MYO16: variants seen among roughly 807,000 people sequenced by gnomAD.
MYO16 encodes the protein unconventional myosin-XVI.
A neutral mutation model predicts 205.3 loss-of-function variants in MYO16; 94 were observed. The observed-to-expected ratio is 0.46, with a 90% CI of 0.39 to 0.54. The LOEUF is 0.54. Ranked by LOEUF, MYO16 falls within the 20% of genes least tolerant of loss-of-function variation. The pLI is 0.00. For missense variants in MYO16, 2,315 were observed against 2,387.5 expected (o/e 0.97, Z 0.63); for synonymous variants, 988 against 954.0 (o/e 1.04, Z -0.66).
chr13:109,079,263 C>T (rs1888208606), intron 27 of MYO16, among the ~76,000 whole-genome samples: 1 of 152,120 alleles, frequency 6.6e-6, no homozygotes, highest in Non-Finnish European at 1.5e-5. Flanking sequence ...GCCATTGCCT[C>T]CTATTGATTG....
chr13:108,839,408 C>T (rs1877114341), intron 9 of MYO16, among the ~76,000 whole-genome samples: 1 of 152,050 alleles, frequency 6.6e-6, no homozygotes, highest in Admixed American at 6.5e-5. Flanking sequence ...TAAGCCTTTT[C>T]TTTTCATAGT....
At chr13:108,816,705 T>C (rs1409956985) in intron 7 of MYO16, among the ~76,000 whole-genome samples, 3 of 152,204 alleles carry the variant, frequency 2.0e-5, no homozygotes, top group Non-Finnish European at 4.4e-5. Context: ...TAAAAGGTGT[T>C]TGTTTTCTTT....
At chr13:109,164,566 C>G (rs1217628664) in intron 32 of MYO16, among the ~76,000 whole-genome samples, 1 of 152,138 alleles carries the variant, frequency 6.6e-6, no homozygotes, top group Non-Finnish European at 1.5e-5. Flanking sequence ...TAAATGTAAT[C>G]ATTCAGAAAA....
At chr13:108,578,084 T>G in the MYO16 span, among the ~76,000 whole-genome samples, 1 of 152,224 alleles carries the variant, frequency 6.6e-6, no homozygotes, top group East Asian at 1.9e-4. Context: ...TTACTTCTAT[T>G]TCTTTGTTTT....
intron 4 of MYO16, among the ~76,000 whole-genome samples, chr13:108,762,253 A>G (rs1885633859): frequency 6.6e-6 from 1 of 150,558 alleles, no homozygotes; most frequent in Admixed American, 6.7e-5. Flanking sequence ...AGGGGTGGAC[A>G]CTCAGGTTGA....
rs181555600 is a variant in MYO16, at chr13:108,869,505, A to C, written c.1425+3263A>C. ...TTTGGGAGGCCGAGGCGGGCGAATCACGAGGTCAGGAGATCGAGACCATCC... is the reference window on the plus strand; with the variant it reads ...TTTGGGAGGCCGAGGCGGGCGAATCCCGAGGTCAGGAGATCGAGACCATCC... On this transcript the variant is annotated intron_variant, in intron 12 of 34. Transcript: ENST00000457511. Among the ~76,000 whole-genome samples the C allele has an allele frequency of 3.5e-3, 536 of 151,572 alleles. 4 individuals carry two copies. Among genetic ancestry groups the C allele is most frequent in the African/African-American group, 0.012 (486 of 41,316 alleles).
At chr13:108,636,363 TTTTTTTTGTGTGTGTG>T (rs1880241848) in intron 1 of MYO16, among the ~76,000 whole-genome samples, 1 of 77,472 alleles carries the variant, frequency 1.3e-5, no homozygotes, top group Non-Finnish European at 2.6e-5. Context: ...TTTTTTTTTT[TTTTTTTTGTGTGTGTG>T]TGTGTGTGTG....
the MYO16 span, among the ~76,000 whole-genome samples, chr13:108,541,249 A>G: frequency 3.3e-5 from 5 of 151,936 alleles, no homozygotes; most frequent in Admixed American, 6.6e-5. Flanking sequence ...TTACAGACAT[A>G]TAACTTATAT....
rs190021981 is a variant in MYO16 at position 108,702,579 on chromosome 13, G to A, written c.293-10082G>A. On this transcript the variant is annotated intron_variant, in intron 2 of 34. Coordinates refer to ENST00000457511, the MANE Select transcript of MYO16 (RefSeq NM_001198950.3). ...TTTCAGGCTGAAATGAAAGACATTA[G>A]ACTTGAATTTGCATAAAAGATAAAC... Among the ~76,000 whole-genome samples the A allele has an allele frequency of 1.2e-4, 18 of 152,176 alleles. No individual in the cohort carries two copies. In the East Asian group the frequency reaches 3.5e-3, roughly 29 times the overall value.
At chr13:108,881,870 G>C (rs1050741643) in intron 12 of MYO16, among the ~76,000 whole-genome samples, 4 of 152,188 alleles carry the variant, frequency 2.6e-5, no homozygotes, top group African/African-American at 9.6e-5. Flanking sequence ...GGAAAACACT[G>C]TTCAGGATAT....
In MYO16 at chr13:109,162,203, A is replaced by C. The variant is rs1878421115; in HGVS notation, c.5165-2698A>C. Among the ~76,000 whole-genome samples the C allele has an allele frequency of 6.6e-6, 1 of 152,248 alleles. No individual in the cohort carries two copies. Among genetic ancestry groups the C allele is most frequent in the African/African-American group, 2.4e-5 (1 of 41,456 alleles). On this transcript the variant is annotated intron_variant, in intron 32 of 34. Coordinates refer to ENST00000457511, the MANE Select transcript of MYO16 (RefSeq NM_001198950.3). This position sits in a 1 kb window ranked among gnomAD's most constrained non-coding sequence, Gnocchi z 4.6. Reference sequence around the variant, plus strand: ...TGAGAATTTTGGCTGCAATTTAAATACATCAGTTGATGAGATAGAAATCAG... The same window carrying C: ...TGAGAATTTTGGCTGCAATTTAAATCCATCAGTTGATGAGATAGAAATCAG...
At chr13:108,880,390 A>T (rs573768549) in intron 12 of MYO16, among the ~76,000 whole-genome samples, 1 of 151,744 alleles carries the variant, frequency 6.6e-6, no homozygotes, top group Non-Finnish European at 1.5e-5. Flanking sequence ...GTCAATTTTG[A>T]CTTTTGTTGC....
chr13:108,667,010 C>T (rs1262870283), intron 2 of MYO16, among the ~76,000 whole-genome samples: 1 of 152,172 alleles, frequency 6.6e-6, no homozygotes, highest in African/African-American at 2.4e-5. Context: ...TGAGCATCTT[C>T]ACAATTCATT....
intron 21 of MYO16, among the ~76,000 whole-genome samples, chr13:109,005,964 C>T (rs1885374942): frequency 6.6e-6 from 1 of 152,168 alleles, no homozygotes; most frequent in Non-Finnish European, 1.5e-5. Flanking sequence ...ACTAGCCACA[C>T]CCTTAAGGGT....
intron 1 of MYO16, among the ~76,000 whole-genome samples, chr13:108,599,142 TCATCCATGTC>T (rs1268178637): frequency 5.3e-5 from 8 of 151,612 alleles, no homozygotes; most frequent in Admixed American, 2.0e-4. Context: ...ATTTCCAATT[TCATCCATGTC>T]CCTACAAAGG....
At chr13:108,956,417 C>T (rs1883349659) in intron 16 of MYO16, among the ~76,000 whole-genome samples, 1 of 152,158 alleles carries the variant, frequency 6.6e-6, no homozygotes, top group South Asian at 2.1e-4. Flanking sequence ...GGTAATCTTG[C>T]CCTGGGCTAC....
intron 16 of MYO16, among the ~76,000 whole-genome samples, chr13:108,931,542 CTG>C (rs1448411887): frequency 2.6e-5 from 4 of 152,180 alleles, no homozygotes; most frequent in Non-Finnish European, 5.9e-5. Context: ...TCAGCATCCT[CTG>C]TGTGTATCTG....
At chr13:108,957,833 T>C in intron 17 of MYO16, 34 bp downstream of exon 17, 1 of 1,474,314 alleles carries the variant, frequency 6.8e-7, no homozygotes, top group Non-Finnish European at 9.5e-7. Context: ...ACTGAGAAAA[T>C]CAACCTTCTA....
chr13:108,930,126 A>AAATTG (rs1347905167), intron 16 of MYO16, among the ~76,000 whole-genome samples: 2 of 152,210 alleles, frequency 1.3e-5, no homozygotes, highest in East Asian at 3.8e-4. Flanking sequence ...GCATATTGCA[A>AAATTG]AATTGATCAT....
Sources: gnomAD v4.1 joint callset for allele counts (sites outside exome capture counted in the v4.1 genomes callset) on GRCh38, gnomAD v4.1.1 for gene constraint, Gnocchi (gnomAD v3.1) non-coding constraint, MANE v1.5 for transcripts, NCBI Gene and HGNC (gene_info 2026-07-23, HGNC 2026-07-21) for gene names.